Variants in C1orf185 observed in about 807,000 individuals in gnomAD.
C1orf185 encodes the protein uncharacterized protein C1orf185.
A neutral mutation model predicts 16.1 loss-of-function variants in C1orf185; 13 were observed. That is an observed-to-expected ratio of 0.81 (90% CI 0.53 to 1.28). The LOEUF (loss-of-function observed/expected upper bound fraction) is 1.28, where lower values mean the gene tolerates loss of function less well. C1orf185 is among the 50% of genes most tolerant of loss of function. C1orf185 has a pLI of 0.00. For synonymous variants in C1orf185, 80 were observed against 76.9 expected, an observed-to-expected ratio of 1.04 and a Z score of -0.21; for missense variants, 220 against 225.2, an observed-to-expected ratio of 0.98 and a Z score of 0.15.
At chr1:51,138,973 C>T (rs985441029) in intron 3 of C1orf185, among the ~76,000 whole-genome samples, 2 of 152,154 alleles carry the variant, frequency 1.3e-5, no homozygotes, top group African/African-American at 4.8e-5. Flanking sequence ...CAGGCATGAT[C>T]CACTGTGCCC....
chr1:51,118,398 G>T (rs1281167460), intron 2 of C1orf185, among the ~76,000 whole-genome samples: 1 of 152,066 alleles, frequency 6.6e-6, no homozygotes, highest in Non-Finnish European at 1.5e-5. Context: ...TATTCAAACT[G>T]AAAATATTAG....
At chr1:51,106,375 CT>C (rs899412395) in intron 1 of C1orf185, among the ~76,000 whole-genome samples, 32 of 148,392 alleles carry the variant, frequency 2.2e-4, no homozygotes, top group African/African-American at 4.2e-4. Flanking sequence ...CCCTATCTCT[CT>C]TTTTTTTTTA....
chr1:51,147,635 T>G lies in C1orf185; in HGVS notation c.464T>G (p.Phe155Cys). ...SQSIEAADDW[F>C]SDDSLVKRNS... ...AGTATAGAAGCAGCTGATGACTGGT[T>G]TTCTGATGATTCTCTAGTGAAAAGG... Residue 155 changes from phenylalanine (F) to cysteine (C), a missense_variant, in exon 5 of 5, where the codon TTT becomes TGT. Phe to Cys is a radical substitution (Grantham distance 205). Coordinates refer to ENST00000371759, the MANE Select transcript of C1orf185 (RefSeq NM_001136508.2). 1.3e-6 allele frequency: 2 copies of G among 1,551,572 alleles called. No homozygotes were observed. Among genetic ancestry groups the G allele is most frequent in the Non-Finnish European group, 1.7e-6 (2 of 1,146,926 alleles).
intron 4 of C1orf185, 62 bp downstream of exon 4, chr1:51,145,822 A>ATTTCTCAAGATGT: frequency 4.7e-6 from 4 of 847,094 alleles, no homozygotes; most frequent in Non-Finnish European, 5.1e-6. Context: ...TCACATCTTG[A>ATTTCTCAAGATGT]GAAATCAAGA....
chr1:51,107,258 C>T (rs1325438167), intron 1 of C1orf185: 1 of 152,198 alleles, frequency 6.6e-6, no homozygotes, highest in Admixed American at 6.5e-5. Flanking sequence ...ATTGATTGTG[C>T]ACAGTCAGTT....
intron 2 of C1orf185, 92 bp from the exon 3 acceptor site, chr1:51,118,574 A>T: frequency 1.2e-6 from 1 of 813,268 alleles, no homozygotes; most frequent in Non-Finnish European, 1.7e-6. Context: ...TTCTGATTTT[A>T]AAGCTTTATG....
chr1:51,119,155 G>A (rs1646179600), intron 3 of C1orf185, among the ~76,000 whole-genome samples: 1 of 152,178 alleles, frequency 6.6e-6, no homozygotes, highest in South Asian at 2.1e-4. Context: ...CATAGCAATT[G>A]AAATTAAATT....
chr1:51,109,899 T>C (rs920555988), intron 1 of C1orf185, among the ~76,000 whole-genome samples: 1 of 152,334 alleles, frequency 6.6e-6, no homozygotes, highest in African/African-American at 2.4e-5. Flanking sequence ...ATACACATTT[T>C]AGAATTTTTT....
intron 3 of C1orf185, among the ~76,000 whole-genome samples, chr1:51,123,930 C>T (rs971444226): frequency 6.6e-6 from 1 of 150,944 alleles, no homozygotes; most frequent in Non-Finnish European, 1.5e-5. Context: ...ATATTTTATA[C>T]ACACATGTAT....
At chr1:51,135,399 C>T (rs1263821791) in intron 3 of C1orf185, among the ~76,000 whole-genome samples, 2 of 152,010 alleles carry the variant, frequency 1.3e-5, no homozygotes, top group African/African-American at 2.4e-5. Flanking sequence ...ATTAGCCGGG[C>T]GTGGTGGCAC....
chr1:51,125,879 T>C (rs1370584105), intron 3 of C1orf185, among the ~76,000 whole-genome samples: 1 of 152,120 alleles, frequency 6.6e-6, no homozygotes, highest in Non-Finnish European at 1.5e-5. Flanking sequence ...AAACAGGAGC[T>C]AGGTGCGGTG....
intron 3 of C1orf185, among the ~76,000 whole-genome samples, chr1:51,144,850 C>T (rs1646388633): frequency 6.6e-6 from 1 of 152,198 alleles, no homozygotes; most frequent in Non-Finnish European, 1.5e-5. Context: ...TATTATCTCT[C>T]CAGCTTCATC....
intron 3 of C1orf185, among the ~76,000 whole-genome samples, chr1:51,133,406 T>C (rs1646299927): frequency 1.3e-5 from 2 of 152,316 alleles, no homozygotes; most frequent in East Asian, 1.9e-4. Flanking sequence ...GTTGCAATCA[T>C]AGTTTCAGAC....
downstream of C1orf185, among the ~76,000 whole-genome samples, chr1:51,152,230 T>C (rs1294481341): frequency 1.3e-5 from 2 of 152,186 alleles, no homozygotes; most frequent in African/African-American, 4.8e-5. Context: ...GAACTGGACA[T>C]AGGGCGGAGG....
In C1orf185 at chr1:51,147,876, C is replaced by A; in HGVS notation, c.*105C>A. On this transcript the variant is annotated 3_prime_UTR_variant, in exon 5 of 5. Transcript: ENST00000371759. ...ACTGAATGACTTTTTTCTTTTGAAA[C>A]CTTGTATACAATCAGCTTCTGAGTC... 9.6e-7 allele frequency: 1 copy of A among 1,039,914 alleles called. No homozygotes were observed. The highest frequency in any genetic ancestry group is 1.3e-6 in the Non-Finnish European group (1 of 748,790). 64.4% of individuals were successfully genotyped at this position (1,039,914 alleles called of 1,614,324 possible).
chr1:51,127,411 C>T (rs534534034), intron 3 of C1orf185, among the ~76,000 whole-genome samples: 36 of 152,162 alleles, frequency 2.4e-4, no homozygotes, highest in African/African-American at 7.2e-4. Context: ...GCCTCAGCCC[C>T]GGAATAGCTG....
chr1:51,123,895 C>T (rs868851952), intron 3 of C1orf185, among the ~76,000 whole-genome samples: 7 of 151,060 alleles, frequency 4.6e-5, no homozygotes, highest in Non-Finnish European at 8.8e-5. Flanking sequence ...TTTTAAAGAA[C>T]TTATATATAA....
chr1:51,111,812 G>T (rs1416673513), intron 1 of C1orf185, among the ~76,000 whole-genome samples: 1 of 152,108 alleles, frequency 6.6e-6, no homozygotes, highest in South Asian at 2.1e-4. Flanking sequence ...GAGCCACGGC[G>T]CCCTGCCCCT....
At chr1:51,112,667 A>G (rs941914212) in intron 2 of C1orf185, 98 bp downstream of exon 2, 3 of 1,126,620 alleles carry the variant, frequency 2.7e-6, no homozygotes, top group Admixed American at 2.9e-5. Context: ...CTATGATAGT[A>G]TTGATTGTTT....
Sources: gnomAD v4.1 joint callset for allele counts (sites outside exome capture counted in the v4.1 genomes callset) on GRCh38, gnomAD v4.1.1 for gene constraint, MANE v1.5 for transcripts, NCBI Gene and HGNC (gene_info 2026-07-23, HGNC 2026-07-21) for gene names.